CTNNA3: variants seen among roughly 807,000 people sequenced by gnomAD.
CTNNA3 encodes the protein catenin alpha-3.
A neutral mutation model predicts 95.7 loss-of-function variants in CTNNA3; 76 were observed. The observed-to-expected ratio is 0.79, with a 90% CI of 0.66 to 0.96. The LOEUF (loss-of-function observed/expected upper bound fraction) is 0.96. Among genes scored for constraint, CTNNA3 ranks in the 40% least tolerant of loss-of-function variants. The probability of loss-of-function intolerance (pLI) is 0.00; values close to 1 mark genes in which losing one functional copy is unlikely to be tolerated. For missense variants in CTNNA3, 1,191 were observed against 1,089.8 expected (o/e 1.09, Z -1.31); for synonymous variants, 431 against 374.4 (o/e 1.15, Z -1.74).
At chr10:67,073,110 G>A (rs779398304) in intron 7 of CTNNA3, among the ~76,000 whole-genome samples, 4 of 152,162 alleles carry the variant, frequency 2.6e-5, no homozygotes, top group Non-Finnish European at 4.4e-5. Flanking sequence ...ATACATGCAT[G>A]CCTTGGAATA....
intron 12 of CTNNA3, among the ~76,000 whole-genome samples, chr10:66,332,989 T>C (rs961623509): frequency 1.3e-5 from 2 of 152,154 alleles, no homozygotes; most frequent in African/African-American, 4.8e-5. Flanking sequence ...TATCCATTTC[T>C]TTGAGATTTT....
intron 9 of CTNNA3, among the ~76,000 whole-genome samples, chr10:66,625,933 C>G (rs1844918737): frequency 6.6e-6 from 1 of 151,904 alleles, no homozygotes; most frequent in African/African-American, 2.4e-5. Flanking sequence ...GGATGAGTCA[C>G]CAGTGGTAGA....
Position 66,709,398 on chromosome 10 carries a change from G to A in CTNNA3, c.1281+56866C>T, listed in dbSNP as rs184070848. Among the ~76,000 whole-genome samples the A allele has an allele frequency of 4.6e-5, 7 of 152,152 alleles. No individual in the cohort carries two copies. The East Asian group carries it at 1.2e-3, about 25-fold the overall frequency. On this transcript the variant is annotated intron_variant, in intron 9 of 17. Coordinates refer to ENST00000433211, the MANE Select transcript of CTNNA3 (RefSeq NM_013266.4). Reference sequence around the variant, plus strand: ...TGGGTGAATGACTAGAAAGGATAATGAGTCTCAGCAAATGTCAGATGAAAT... The same window carrying A: ...TGGGTGAATGACTAGAAAGGATAATAAGTCTCAGCAAATGTCAGATGAAAT...
intron 14 of CTNNA3, among the ~76,000 whole-genome samples, chr10:66,088,516 TG>T (rs2081076500): frequency 1.3e-5 from 2 of 151,208 alleles, no homozygotes; most frequent in Non-Finnish European, 3.0e-5. Context: ...TGTGTGTGTG[TG>T]TGTGTGTGTG....
Position 66,512,061 on chromosome 10 carries a change from G to A in CTNNA3, c.1531+8556C>T, listed in dbSNP as rs116224577. On this transcript the variant is annotated intron_variant, in intron 11 of 17. Coordinates refer to ENST00000433211, the MANE Select transcript of CTNNA3 (RefSeq NM_013266.4). The stretch of plus-strand genomic sequence containing the variant: ...TATATATCTGAGTGCTCTGGTGTTC[G>A]GTGGATATATATTAACAATTGTTCT... Among the ~76,000 whole-genome samples, 481 of 151,790 alleles carry A rather than the reference G, an allele frequency of 3.2e-3. 6 individuals carry two copies. Among genetic ancestry groups the A allele is most frequent in the African/African-American group, 0.011 (468 of 41,436 alleles).
At chr10:66,251,986 C>A (rs1314255521) in intron 13 of CTNNA3, among the ~76,000 whole-genome samples, 1 of 152,138 alleles carries the variant, frequency 6.6e-6, no homozygotes, top group Non-Finnish European at 1.5e-5. Context: ...AGAGACCATA[C>A]TCTTAACCAT....
intron 13 of CTNNA3, among the ~76,000 whole-genome samples, chr10:66,201,630 G>T (rs76341686): frequency 0.038 from 5,701 of 151,858 alleles, 381 homozygotes; most frequent in African/African-American, 0.13. Context: ...TATTTGTTAC[G>T]GTAATACCCT....
At chr10:66,607,010 T>C (rs1292384640) in intron 10 of CTNNA3, among the ~76,000 whole-genome samples, 1 of 151,816 alleles carries the variant, frequency 6.6e-6, no homozygotes, top group African/African-American at 2.4e-5. Context: ...TTGAAAAAAT[T>C]AATAAGTTAG....
chr10:66,613,384 G>A (rs556505422), intron 10 of CTNNA3, among the ~76,000 whole-genome samples: 1 of 151,968 alleles, frequency 6.6e-6, no homozygotes, highest in South Asian at 2.1e-4. Context: ...CCTCACCCTA[G>A]CTTCATGGAT....
At chr10:67,558,368 T>C (rs1841333986) in intron 3 of CTNNA3, among the ~76,000 whole-genome samples, 1 of 152,232 alleles carries the variant, frequency 6.6e-6, no homozygotes, top group African/African-American at 2.4e-5. Context: ...CCCACCCCTT[T>C]TTCTCTCAGT....
chr10:66,302,765 A>T (rs1013099835), intron 12 of CTNNA3, among the ~76,000 whole-genome samples: 1 of 152,128 alleles, frequency 6.6e-6, no homozygotes. Context: ...TAAATAGTTT[A>T]AAAAAAGATT....
At chr10:67,670,999 GTCTA>G (rs767877138) in intron 1 of CTNNA3, among the ~76,000 whole-genome samples, 12 of 151,710 alleles carry the variant, frequency 7.9e-5, no homozygotes, top group Non-Finnish European at 1.5e-4. Context: ...TTGTTTTTTG[GTCTA>G]TCTATGTTGG....
At position 65,988,720 on chromosome 10, in the gene CTNNA3, T is replaced by C; in HGVS notation, c.2237A>G (p.Asp746Gly). Residue 746 changes from aspartate (D) to glycine (G), a missense_variant, in exon 16 of 18, where the codon GAT (aspartate) becomes GGT (glycine). Transcript: ENST00000433211. ...KMISESGSRM[D>G]VLARQIANQC... ...ATTAGCAATCTGCCGAGCAAGGACATCCATCCTTGATCCTGATTCTGATAT... is the reference window on the plus strand; with the variant it reads ...ATTAGCAATCTGCCGAGCAAGGACACCCATCCTTGATCCTGATTCTGATAT... 6.2e-7 allele frequency: 1 copy of C among 1,613,736 alleles called. No homozygotes were observed. Among genetic ancestry groups the C allele is most frequent in the Non-Finnish European group, 8.5e-7 (1 of 1,179,704 alleles).
intron 5 of CTNNA3, among the ~76,000 whole-genome samples, chr10:67,254,396 C>A (rs561101870): frequency 6.6e-6 from 1 of 152,258 alleles, no homozygotes; most frequent in East Asian, 1.9e-4. Context: ...ATTTTCCCTT[C>A]CCTGTGAAGT....
chr10:67,651,493 C>T (rs1467163149), intron 1 of CTNNA3, among the ~76,000 whole-genome samples: 1 of 152,118 alleles, frequency 6.6e-6, no homozygotes, highest in Admixed American at 6.5e-5. Context: ...TTAATTTGTC[C>T]AGTATGAATT....
At chr10:66,285,644 G>C (rs527238681) in intron 12 of CTNNA3, among the ~76,000 whole-genome samples, 198 of 151,392 alleles carry the variant, frequency 1.3e-3, no homozygotes, top group Middle Eastern at 3.4e-3. Context: ...GTTCTTTTAT[G>C]TACTACTTTA....
rs551111113 is a variant in CTNNA3 at position 66,588,433 on chromosome 10, C to CTA, written c.1374+33257_1374+33258dup. Among the ~76,000 whole-genome samples the CTA allele has an allele frequency of 9.9e-5, 15 of 151,842 alleles. No homozygotes were observed. The South Asian group carries it at 3.1e-3, about 32-fold the overall frequency. On this transcript the variant is annotated intron_variant, in intron 10 of 17. Transcript: ENST00000433211. ...TGTCTTTCCAAGTGGGAGAGGCAGG[C>CTA]TAACAATGCCTCCAAACCACTGGGC...
intron 7 of CTNNA3, among the ~76,000 whole-genome samples, chr10:67,070,574 C>T (rs191196140): frequency 9.1e-4 from 139 of 152,158 alleles, no homozygotes; most frequent in Non-Finnish European, 1.7e-3. Context: ...TGGTGAAACC[C>T]CATCTCTAGT....
intron 10 of CTNNA3, among the ~76,000 whole-genome samples, chr10:66,608,067 A>G (rs2132276799): frequency 6.6e-6 from 1 of 152,152 alleles, no homozygotes; most frequent in Non-Finnish European, 1.5e-5. Flanking sequence ...CTCAGCTCAA[A>G]AACTTAAGCT....
Sources: gnomAD v4.1 joint callset for allele counts (sites outside exome capture counted in the v4.1 genomes callset) on GRCh38, gnomAD v4.1.1 for gene constraint, MANE v1.5 for transcripts, NCBI Gene and HGNC (gene_info 2026-07-23, HGNC 2026-07-21) for gene names.